The following DGLUCY variants were observed in gnomAD, a reference collection of about 807,000 sequenced individuals.
The protein encoded by DGLUCY is D-glutamate cyclase, mitochondrial.
A neutral mutation model predicts 58.5 loss-of-function variants in DGLUCY; 58 were observed. The observed-to-expected ratio is 0.99, with a 90% CI of 0.80 to 1.23. The LOEUF (loss-of-function observed/expected upper bound fraction) is 1.23. Ranked by LOEUF, DGLUCY falls within the 50% of genes most tolerant of loss-of-function variation. DGLUCY has a pLI of 0.00. For missense variants in DGLUCY, 779 were observed against 784.7 expected, an observed-to-expected ratio of 0.99 and a Z score of 0.09; for synonymous variants, 325 against 314.1, an observed-to-expected ratio of 1.03 and a Z score of -0.37.
At position 91,064,753 on chromosome 14, in the gene DGLUCY, G is replaced by A. The variant is rs567753567; in HGVS notation, c.-82+4049G>A. Among the ~76,000 whole-genome samples the A allele has an allele frequency of 2.0e-4, 31 of 152,138 alleles. 1 individual carries two copies. The Middle Eastern group carries it at 0.014, about 67-fold the overall frequency. ...TTCCAGAAGAAGGGAATGGTCAGCT[G>A]TATCAGATACCCTAAGATGTCATAT... On this transcript the variant is annotated intron_variant, in intron 1 of 4. Transcript: ENST00000521334.
chr14:91,124,904 C>CT (rs1203268906), intron 1 of DGLUCY, among the ~76,000 whole-genome samples: 1 of 152,226 alleles, frequency 6.6e-6, no homozygotes, highest in Non-Finnish European at 1.5e-5. Context: ...AATATTTGCC[C>CT]TGGCATGCTT....
chr14:91,155,323 G>A (rs1425578980), intron 1 of DGLUCY, among the ~76,000 whole-genome samples: 1 of 152,112 alleles, frequency 6.6e-6, no homozygotes, highest in Non-Finnish European at 1.5e-5. Context: ...ACTGTGAACC[G>A]GCCAGAAGTG....
At chr14:91,171,998 C>T (rs1346195853) in intron 5 of DGLUCY, among the ~76,000 whole-genome samples, 3 of 152,214 alleles carry the variant, frequency 2.0e-5, no homozygotes, top group Non-Finnish European at 4.4e-5. Context: ...TCAGAGGCTC[C>T]ATGATATTGG....
At chr14:91,143,783 T>C (rs1018061820) in intron 1 of DGLUCY, among the ~76,000 whole-genome samples, 3 of 152,228 alleles carry the variant, frequency 2.0e-5, no homozygotes, top group Non-Finnish European at 4.4e-5. Context: ...GACATTGTGC[T>C]GGGTATTTGA....
Position 91,173,252 on chromosome 14 carries a change from T to G in DGLUCY, c.457-37T>G, listed in dbSNP as rs754351976. 6 of 1,611,666 alleles carry G rather than the reference T, an allele frequency of 3.7e-6. 1 individual carries two copies. The Admixed American group carries it at 1.0e-4, about 27-fold the overall frequency. ...TTGGATCTGTGCTAATTCCATTTTT[T>G]AACATTTTCACTTGATTTTTTTTTT... On this transcript the variant is annotated intron_variant, in intron 5 of 13. Coordinates refer to ENST00000256324, the MANE Select transcript of DGLUCY (RefSeq NM_001102368.3).
rs1403216179 is a variant in DGLUCY, at chr14:91,222,959, GCT to G, written c.1717-1722_1717-1721del. On this transcript the variant is annotated intron_variant, in intron 13 of 13. Coordinates refer to ENST00000256324, the MANE Select transcript of DGLUCY (RefSeq NM_001102368.3). ...TCCGCATGTGGTGGAGAGAGCGAGA[GCT>G]CTGGTTTCTCTTTTTCTTATAAGAG... Among the ~76,000 whole-genome samples the G allele has an allele frequency of 3.3e-5, 5 of 152,308 alleles. No homozygotes were observed. The East Asian group carries it at 9.6e-4, about 29-fold the overall frequency.
chr14:91,113,345 C>G (rs981893276), upstream of DGLUCY, among the ~76,000 whole-genome samples: 1 of 152,102 alleles, frequency 6.6e-6, no homozygotes, highest in Non-Finnish European at 1.5e-5. Flanking sequence ...TTCGACTGCA[C>G]GAGGTTCAGT....
chr14:91,122,294 C>T (rs2045415946), intron 1 of DGLUCY, among the ~76,000 whole-genome samples: 1 of 151,860 alleles, frequency 6.6e-6, no homozygotes, highest in Non-Finnish European at 1.5e-5. Context: ...GCTGGGAACA[C>T]AGGTACGTGC....
At chr14:91,139,425 C>A (rs1053247846) in intron 1 of DGLUCY, among the ~76,000 whole-genome samples, 1 of 152,214 alleles carries the variant, frequency 6.6e-6, no homozygotes, top group African/African-American at 2.4e-5. Flanking sequence ...TGGCTCATAC[C>A]TGTAATCCCA....
At chr14:91,140,825 A>G (rs1381676196) in intron 1 of DGLUCY, among the ~76,000 whole-genome samples, 1 of 152,168 alleles carries the variant, frequency 6.6e-6, no homozygotes. Flanking sequence ...AGTGCCCACA[A>G]CACCTAGGGG....
chr14:91,198,112 G>A (rs1012223276), intron 10 of DGLUCY, among the ~76,000 whole-genome samples: 1 of 152,146 alleles, frequency 6.6e-6, no homozygotes, highest in Non-Finnish European at 1.5e-5. Flanking sequence ...GCACAATCTT[G>A]GCTCACTGCA....
intron 1 of DGLUCY, among the ~76,000 whole-genome samples, chr14:91,156,116 CTTT>C (rs765375231): frequency 2.8e-5 from 4 of 142,004 alleles, no homozygotes; most frequent in Admixed American, 7.1e-5. Flanking sequence ...TAGCCTCATT[CTTT>C]TTTTTTTTTT....
chr14:91,120,928 G>T (rs2045319685), intron 1 of DGLUCY, among the ~76,000 whole-genome samples: 2 of 152,156 alleles, frequency 1.3e-5, no homozygotes, highest in African/African-American at 4.8e-5. Context: ...AGTGCTGCCT[G>T]TTCAGGGGAT....
chr14:91,157,189 GGATA>G (rs72213987), intron 1 of DGLUCY, among the ~76,000 whole-genome samples: 36,350 of 145,218 alleles, frequency 0.25, 5,088 homozygotes, highest in Non-Finnish European at 0.32. Flanking sequence ...ATGGATGGGT[GGATA>G]GATGGATGGA....
chr14:91,079,359 C>CTTTTTT (rs1166257201), intron 1 of DGLUCY, among the ~76,000 whole-genome samples: 1 of 141,186 alleles, frequency 7.1e-6, no homozygotes. Flanking sequence ...CTTTTCTTTT[C>CTTTTTT]TTTTTTTTTT....
chr14:91,169,462 TGCAGTG>T (rs2048451578), intron 4 of DGLUCY, among the ~76,000 whole-genome samples: 1 of 151,912 alleles, frequency 6.6e-6, no homozygotes, highest in South Asian at 2.1e-4. Flanking sequence ...GCTGGAGTAG[TGCAGTG>T]GCACGATCTC....
At chr14:91,121,690 G>T (rs1328892141) in intron 1 of DGLUCY, among the ~76,000 whole-genome samples, 2 of 151,242 alleles carry the variant, frequency 1.3e-5, no homozygotes, top group Non-Finnish European at 2.9e-5. Flanking sequence ...TTCAGTGAAG[G>T]CTTCTCCTAC....
chr14:91,222,683 A>G (rs1281371729), intron 13 of DGLUCY, among the ~76,000 whole-genome samples: 2 of 151,664 alleles, frequency 1.3e-5, no homozygotes, highest in African/African-American at 4.8e-5. Flanking sequence ...ACTTAGAAAA[A>G]GTTAGTGAGT....
intron 8 of DGLUCY, among the ~76,000 whole-genome samples, chr14:91,182,923 T>TTTTTA (rs1258384774): frequency 1.5e-4 from 21 of 138,876 alleles, no homozygotes; most frequent in African/African-American, 5.3e-4. Context: ...TTTATTTTAT[T>TTTTTA]TTTTATTTTA....
Sources: allele counts gnomAD v4.1 joint callset (sites outside exome capture counted in the v4.1 genomes callset), GRCh38; gene constraint gnomAD v4.1.1; transcripts MANE v1.5; gene names NCBI Gene and HGNC (gene_info 2026-07-23, HGNC 2026-07-21).